The following DIP2B variants were observed in gnomAD, a reference collection of about 807,000 sequenced individuals.
DIP2B encodes the protein DIP2 acetate--CoA ligase B (putative).
Under a neutral mutation model 198.0 loss-of-function variants are expected in DIP2B, and 76 were observed. That is an observed-to-expected ratio of 0.38 (90% CI 0.32 to 0.46). The LOEUF is 0.46. Ranked by LOEUF, DIP2B falls within the 20% of genes least tolerant of loss-of-function variation. DIP2B has a pLI of 0.99. For synonymous variants in DIP2B, 701 were observed against 739.1 expected, an observed-to-expected ratio of 0.95 and a Z score of 0.84; for missense variants, 1,559 against 1,978.4, an observed-to-expected ratio of 0.79 and a Z score of 4.02.
At chr12:50,676,104 A>G (rs1277007717) in intron 7 of DIP2B, among the ~76,000 whole-genome samples, 1 of 152,216 alleles carries the variant, frequency 6.6e-6, no homozygotes, top group African/African-American at 2.4e-5. Flanking sequence ...TCATTCAATA[A>G]TTTTTAAATT....
intron 14 of DIP2B, 48 bp from the exon 15 acceptor site, chr12:50,695,219 A>C (rs369629705): frequency 5.5e-6 from 8 of 1,457,086 alleles, no homozygotes; most frequent in Non-Finnish European, 7.7e-6. Context: ...TTAAAATACT[A>C]AGTATGTATT....
intron 36 of DIP2B, among the ~76,000 whole-genome samples, chr12:50,740,299 G>A (rs1433240115): frequency 6.6e-6 from 1 of 152,202 alleles, no homozygotes; most frequent in African/African-American, 2.4e-5. Context: ...TGGAGAGGCA[G>A]GGGCAACCCA....
chr12:50,716,395 G>A (rs915935481), intron 23 of DIP2B, among the ~76,000 whole-genome samples: 1 of 151,820 alleles, frequency 6.6e-6, no homozygotes, highest in Admixed American at 6.6e-5. Context: ...GCCACATGTC[G>A]GGAGGCTGAG....
At chr12:50,558,236 A>G (rs1958488004) in intron 1 of DIP2B, among the ~76,000 whole-genome samples, 1 of 152,200 alleles carries the variant, frequency 6.6e-6, no homozygotes, top group African/African-American at 2.4e-5. Flanking sequence ...ATGGAGTTTT[A>G]TTATATGATC....
At position 50,724,859 on chromosome 12, in the gene DIP2B, A is replaced by G; in HGVS notation, c.3373A>G (p.Lys1125Glu). 1 of 1,614,192 alleles carries G rather than the reference A, an allele frequency of 6.2e-7. No homozygotes were observed. The highest frequency in any genetic ancestry group is 8.5e-7 in the Non-Finnish European group (1 of 1,180,030). ...SREAAAAVDV[K>E]TWPTIIDTDD... ...AGAGGCAGCAGCAGCTGTGGATGTGAAAACCTGGCCAACCATCATTGACAC... is the reference window on the plus strand; with the variant it reads ...AGAGGCAGCAGCAGCTGTGGATGTGGAAACCTGGCCAACCATCATTGACAC... Residue 1125 changes from lysine to glutamate, a missense_variant, in exon 28 of 38, where the codon AAA becomes GAA. Transcript: ENST00000301180.
intron 6 of DIP2B, 36 bp from the exon 7 acceptor site, chr12:50,675,293 C>A: frequency 6.2e-7 from 1 of 1,603,662 alleles, no homozygotes; most frequent in South Asian, 1.1e-5. Flanking sequence ...TCCTTACAGT[C>A]AATGAATTTT....
chr12:50,724,818 G>C lies in DIP2B; in HGVS notation c.3332G>C (p.Arg1111Thr), dbSNP rs758278187. 6.2e-7 allele frequency: 1 copy of C among 1,614,142 alleles called. No individual in the cohort carries two copies. Among genetic ancestry groups the C allele is most frequent in the Non-Finnish European group, 8.5e-7 (1 of 1,180,020 alleles). The change falls in exon 28 of 38, where the codon AGG becomes ACG. Residue 1111 changes from arginine (R) to threonine (T), a missense_variant. Arg to Thr is a moderately conservative substitution (Grantham distance 71, BLOSUM62 -1). Transcript: ENST00000301180. ...ACILTSQTLM[R>T]LLRSREAAAA... Reference sequence around the variant, plus strand: ...ATTCTCACCAGTCAGACCCTAATGAGGCTACTGAGGTCCCGAGAGGCAGCA... The same window carrying C: ...ATTCTCACCAGTCAGACCCTAATGACGCTACTGAGGTCCCGAGAGGCAGCA...
chr12:50,671,259 C>A lies in DIP2B; in HGVS notation c.501C>A (p.Ser167Arg), dbSNP rs1415251496. The A allele has an allele frequency of 6.2e-7, 1 of 1,614,150 alleles. No homozygotes were observed. Among genetic ancestry groups the A allele is most frequent in the Admixed American group, 1.7e-5 (1 of 60,014 alleles). Residue 167 changes from serine (S) to arginine (R), a missense_variant, in exon 5 of 38, where the codon AGC (serine) becomes AGA (arginine). Physicochemically the swap from Ser to Arg is moderately radical, Grantham distance 110 (BLOSUM62 -1). Transcript: ENST00000301180. ...QAALSAALQQSLQNAESWINR... is the reference protein window; with the variant it reads ...QAALSAALQQRLQNAESWINR... ...CGCTCTCTGCTGCCTTGCAACAGAG[C>A]TTACAGAATGCTGAGTCCTGGATCA...
intron 30 of DIP2B, among the ~76,000 whole-genome samples, chr12:50,728,933 T>C (rs921945782): frequency 1.3e-5 from 2 of 152,188 alleles, no homozygotes; most frequent in East Asian, 1.9e-4. Context: ...TGCTCCACCA[T>C]GTAATCCTTG....
chr12:50,711,768 C>G (rs1020906429), intron 22 of DIP2B, among the ~76,000 whole-genome samples: 1 of 152,152 alleles, frequency 6.6e-6, no homozygotes, highest in Non-Finnish European at 1.5e-5. Context: ...CCACGCTGGC[C>G]AGGCTGGTCT....
chr12:50,550,168 G>A (rs1353180797), intron 1 of DIP2B, among the ~76,000 whole-genome samples: 1 of 152,158 alleles, frequency 6.6e-6, no homozygotes, highest in African/African-American at 2.4e-5. Context: ...GACCTGATTA[G>A]TTTTGTATGT....
intron 6 of DIP2B, among the ~76,000 whole-genome samples, chr12:50,674,886 C>T (rs1238244861): frequency 2.6e-5 from 4 of 152,130 alleles, no homozygotes; most frequent in African/African-American, 4.8e-5. Context: ...AACAGAGGGC[C>T]GGGCACGGTG....
chr12:50,734,131 T>G lies in DIP2B; in HGVS notation c.3982-4T>G. The stretch of plus-strand genomic sequence containing the variant: ...AAACAACGCATTGATTTGTCTTTCT[T>G]TAGGGAACCTCAGGGCCTGATCCGA... On this transcript the variant is annotated splice_polypyrimidine_tract_variant and splice_region_variant and intron_variant, in intron 32 of 37. Transcript: ENST00000301180. 1 of 1,614,142 alleles carries G rather than the reference T, an allele frequency of 6.2e-7. No homozygotes were observed. Among genetic ancestry groups the G allele is most frequent in the Non-Finnish European group, 8.5e-7 (1 of 1,179,998 alleles).
intron 2 of DIP2B, among the ~76,000 whole-genome samples, chr12:50,637,300 G>A (rs535907735): frequency 5.9e-4 from 90 of 152,266 alleles, no homozygotes; most frequent in African/African-American, 2.0e-3. Flanking sequence ...CTGCCCACTC[G>A]GCTTAGGACA....
intron 28 of DIP2B, among the ~76,000 whole-genome samples, chr12:50,726,205 C>T (rs1345206315): frequency 6.6e-6 from 1 of 152,146 alleles, no homozygotes; most frequent in Non-Finnish European, 1.5e-5. Flanking sequence ...CTTCTTGATC[C>T]AGAAAGCCAA....
intron 4 of DIP2B, among the ~76,000 whole-genome samples, chr12:50,661,733 G>A (rs1193326400): frequency 6.6e-6 from 1 of 152,154 alleles, no homozygotes; most frequent in Non-Finnish European, 1.5e-5. Context: ...ATTCCTTTTT[G>A]GCAGATTACA....
At chr12:50,590,062 C>T (rs1463552968) in intron 1 of DIP2B, among the ~76,000 whole-genome samples, 2 of 152,124 alleles carry the variant, frequency 1.3e-5, no homozygotes, top group Non-Finnish European at 2.9e-5. Context: ...GTGACGCCAT[C>T]ATGGCTCACT....
chr12:50,621,873 G>T (rs550929146), intron 1 of DIP2B, among the ~76,000 whole-genome samples: 20 of 152,302 alleles, frequency 1.3e-4, no homozygotes, highest in African/African-American at 4.8e-4. Context: ...CTCGTTTGTG[G>T]ATCTGATGGA....
At chr12:50,586,543 A>G in intron 1 of DIP2B, among the ~76,000 whole-genome samples, 1 of 152,266 alleles carries the variant, frequency 6.6e-6, no homozygotes, top group East Asian at 1.9e-4. Context: ...ATGCATATGC[A>G]TAATGACAGT....
Sources: gnomAD v4.1 joint callset for allele counts (sites outside exome capture counted in the v4.1 genomes callset) on GRCh38, gnomAD v4.1.1 for gene constraint, MANE v1.5 for transcripts, NCBI Gene and HGNC (gene_info 2026-07-23, HGNC 2026-07-21) for gene names.